The following RAB3IP variants were observed in gnomAD, a reference collection of about 807,000 sequenced individuals.
RAB3IP encodes the protein RAB3A interacting protein.
Under a neutral mutation model 59.1 loss-of-function variants are expected in RAB3IP, and 36 were observed. The observed-to-expected ratio is 0.61, with a 90% CI of 0.47 to 0.80. The LOEUF (loss-of-function observed/expected upper bound fraction) is 0.80, where lower values mean the gene tolerates loss of function less well. Ranked by LOEUF, RAB3IP falls within the 30% of genes least tolerant of loss-of-function variation. The pLI, the probability that RAB3IP is intolerant of heterozygous loss-of-function variation, is 0.00. For synonymous variants in RAB3IP, 207 were observed against 191.2 expected (o/e 1.08, Z -0.68); for missense variants, 511 against 536.0 (o/e 0.95, Z 0.46).
intron 1 of RAB3IP, among the ~76,000 whole-genome samples, chr12:69,750,354 G>C (rs1035412804): frequency 5.9e-5 from 9 of 152,102 alleles, no homozygotes; most frequent in African/African-American, 2.2e-4. Context: ...AAATACTTCA[G>C]TGTGTATCTT....
chr12:69,750,836 A>G (rs955477803), intron 1 of RAB3IP, among the ~76,000 whole-genome samples: 1 of 151,818 alleles, frequency 6.6e-6, no homozygotes, highest in Non-Finnish European at 1.5e-5. Context: ...TTGTGACAAG[A>G]TGTGATCAGT....
chr12:69,795,372 ACT>A (rs756411160), intron 6 of RAB3IP, 28 bp downstream of exon 6: 117 of 1,558,452 alleles, frequency 7.5e-5, no homozygotes, highest in Admixed American at 2.7e-4. Flanking sequence ...GTCCCCTCTG[ACT>A]CTGTTGATAC....
intron 10 of RAB3IP, among the ~76,000 whole-genome samples, chr12:69,813,855 T>G (rs556508856): frequency 6.6e-6 from 1 of 152,312 alleles, no homozygotes; most frequent in South Asian, 2.1e-4. Context: ...TGTAAAGCAG[T>G]GAATCTTAAT....
chr12:69,810,875 T>C (rs1489665448), intron 8 of RAB3IP, among the ~76,000 whole-genome samples: 1 of 152,176 alleles, frequency 6.6e-6, no homozygotes, highest in African/African-American at 2.4e-5. Context: ...ACTAGAGTTA[T>C]AGAGATTTAT....
intron 8 of RAB3IP, among the ~76,000 whole-genome samples, chr12:69,808,216 A>G (rs1228333507): frequency 1.3e-5 from 2 of 152,174 alleles, no homozygotes; most frequent in African/African-American, 4.8e-5. Flanking sequence ...TGAGTTTCTT[A>G]ATCCTGAGTT....
chr12:69,772,782 T>C (rs1046062352), intron 3 of RAB3IP, among the ~76,000 whole-genome samples: 1 of 152,194 alleles, frequency 6.6e-6, no homozygotes, highest in Non-Finnish European at 1.5e-5. Flanking sequence ...TTATTTTTAA[T>C]AGTTTTGTCT....
Position 69,817,956 on chromosome 12 carries a change from T to G in RAB3IP, c.*2510T>G, listed in dbSNP as rs1019157577. 2 of 152,160 alleles carry G rather than the reference T, an allele frequency of 1.3e-5. No homozygotes were observed. The highest frequency in any genetic ancestry group is 2.4e-5 in the African/African-American group (1 of 41,432). The allele number at this position is 152,160 out of a possible 1,614,324, so 9.4% of individuals were successfully genotyped here. The stretch of plus-strand genomic sequence containing the variant: ...GGCCTTCCACACAATTAGAAGTGCA[T>G]GTGGGCCAATAAACATTAAGAGGTT... On this transcript the variant is annotated 3_prime_UTR_variant, in exon 11 of 11. Coordinates refer to ENST00000247833, the MANE Select transcript of RAB3IP (RefSeq NM_022456.5).
At chr12:69,761,461 G>T (rs186520719) in intron 3 of RAB3IP, among the ~76,000 whole-genome samples, 7 of 152,202 alleles carry the variant, frequency 4.6e-5, no homozygotes, top group Non-Finnish European at 7.4e-5. Context: ...TTTTAGTTGT[G>T]TCAGATGGGT....
intron 4 of RAB3IP, among the ~76,000 whole-genome samples, chr12:69,793,267 A>G (rs1265711610): frequency 1.3e-5 from 2 of 152,218 alleles, no homozygotes; most frequent in African/African-American, 4.8e-5. Flanking sequence ...TTAAACTAGT[A>G]TAAGCTGCAA....
chr12:69,802,161 G>A (rs1317553391), intron 8 of RAB3IP, among the ~76,000 whole-genome samples: 1 of 151,190 alleles, frequency 6.6e-6, no homozygotes, highest in Non-Finnish European at 1.5e-5. Context: ...TTTATTACAC[G>A]TATATGTGTA....
intron 4 of RAB3IP, 46 bp downstream of exon 4, chr12:69,784,861 T>C: frequency 9.4e-7 from 1 of 1,067,220 alleles, no homozygotes; most frequent in Non-Finnish European, 1.4e-6. Flanking sequence ...TTGACTTTTA[T>C]ATATTGACAA....
chr12:69,766,630 C>T (rs1251669493), intron 3 of RAB3IP, among the ~76,000 whole-genome samples: 5 of 151,998 alleles, frequency 3.3e-5, no homozygotes, highest in Non-Finnish European at 5.9e-5. Flanking sequence ...AAGTGATTCT[C>T]CTGCCTCAGT....
intron 1 of RAB3IP, chr12:69,739,479 A>C: frequency 4.1e-6 from 1 of 241,008 alleles, no homozygotes. Context: ...TTCCCGAACA[A>C]GTCGGAAGCA....
rs372685488 is a variant in RAB3IP at position 69,755,489 on chromosome 12, A to G, written c.81A>G (p.Glu27=). ...CTCCGGACCTTCTTGGTGTGTATGA[A>G]TCAGGAACTCAAGAGCAGACTACCT... ...PTSPDLLGVY[E]SGTQEQTTSP... Residue 27 remains glutamate, a synonymous_variant, in exon 2 of 11, where the codon GAA becomes GAG. Coordinates refer to ENST00000247833, the MANE Select transcript of RAB3IP (RefSeq NM_022456.5). The G allele has an allele frequency of 4.3e-5, 69 of 1,613,990 alleles. No homozygotes were observed. The highest frequency in any genetic ancestry group is 1.6e-4 in the Middle Eastern group (1 of 6,084).
intron 4 of RAB3IP, among the ~76,000 whole-genome samples, chr12:69,790,675 C>T (rs12316291): frequency 0.15 from 22,960 of 151,890 alleles, 2,589 homozygotes; most frequent in East Asian, 0.4. Context: ...ACCTCCGCCT[C>T]CTGGGTTCTA....
chr12:69,793,397 T>C (rs1369549841), intron 4 of RAB3IP, among the ~76,000 whole-genome samples: 40 of 152,228 alleles, frequency 2.6e-4, no homozygotes. Context: ...ATTCTACCAC[T>C]GTGCATTTTG....
intron 1 of RAB3IP, among the ~76,000 whole-genome samples, chr12:69,747,122 C>G (rs1051459163): frequency 6.6e-6 from 1 of 152,058 alleles, no homozygotes; most frequent in Non-Finnish European, 1.5e-5. Context: ...AGTGATAGTG[C>G]TTGTGCTGAT....
chr12:69,771,603 G>A (rs544593118), intron 3 of RAB3IP, among the ~76,000 whole-genome samples: 6 of 152,082 alleles, frequency 3.9e-5, no homozygotes, highest in Middle Eastern at 3.4e-3. Flanking sequence ...ATAGTGCTGC[G>A]GTAAACTTGG....
At position 69,746,579 on chromosome 12, in the gene RAB3IP, T is replaced by G. The variant is rs539888162; in HGVS notation, c.-26+7548T>G. 2.0e-5 allele frequency among the ~76,000 whole-genome samples: 3 copies of G among 152,290 alleles called. No homozygotes were observed. The South Asian group carries it at 6.2e-4, about 32-fold the overall frequency. On this transcript the variant is annotated intron_variant, in intron 1 of 10. Transcript: ENST00000247833. ...CATTTGTATCTGTATTCTTAGCACT[T>G]AGTATCAGGATTTGCCCGGAGGTGT...
Sources: gnomAD v4.1 joint callset for allele counts (sites outside exome capture counted in the v4.1 genomes callset) on GRCh38, gnomAD v4.1.1 for gene constraint, MANE v1.5 for transcripts, NCBI Gene and HGNC (gene_info 2026-07-23, HGNC 2026-07-21) for gene names.